Variants in ANXA8 observed in about 807,000 individuals in gnomAD.
The protein encoded by ANXA8 is VAC-beta.
In ANXA8, 9 loss-of-function variants were observed where a neutral mutation model predicts 26.8. The ratio of observed to expected loss-of-function variants is 0.34; its 90% confidence interval spans 0.20 to 0.59. The LOEUF is 0.59. Ranked by LOEUF, ANXA8 falls within the 20% of genes least tolerant of loss-of-function variation. The pLI is 0.84. For missense variants in ANXA8, 83 were observed against 238.5 expected (o/e 0.35, Z 4.29); for synonymous variants, 39 against 94.8 (o/e 0.41, Z 3.42).
the ANXA8 span, chr10:47,986,921 G>A: frequency 2.0e-6 from 1 of 494,992 alleles, no homozygotes; most frequent in Non-Finnish European, 4.0e-6. Flanking sequence ...GGCAAGGGCC[G>A]CTTTTAGGAG....
At chr10:47,974,623 T>C in the ANXA8 span, among the ~76,000 whole-genome samples, 1 of 145,152 alleles carries the variant, frequency 6.9e-6, no homozygotes. Flanking sequence ...TCAAAGATTT[T>C]TTTATTTCTG....
At chr10:47,492,468 C>T in the ANXA8 span, among the ~76,000 whole-genome samples, 1 of 145,470 alleles carries the variant, frequency 6.9e-6, no homozygotes, top group Non-Finnish European at 1.5e-5. Flanking sequence ...AAGCAGCTTC[C>T]CTGGCTCCTG....
the ANXA8 span, chr10:47,491,459 A>G: frequency 3.5e-6 from 2 of 574,264 alleles, no homozygotes; most frequent in Non-Finnish European, 5.9e-6. Context: ...CTCCGTGCTG[A>G]CTTGGTAGAG....
the ANXA8 span, among the ~76,000 whole-genome samples, chr10:47,694,980 C>T: frequency 4.8e-3 from 722 of 151,490 alleles, 11 homozygotes; most frequent in African/African-American, 0.017. Context: ...GAGGCCAGGG[C>T]GGGCTACCCA....
the ANXA8 span, chr10:47,564,988 C>T: frequency 4.7e-6 from 5 of 1,062,564 alleles, no homozygotes; most frequent in Non-Finnish European, 7.3e-6. Context: ...GCCAAGTCAT[C>T]GTCCACCGTC....
the ANXA8 span, among the ~76,000 whole-genome samples, chr10:47,559,875 T>C: frequency 1.3e-5 from 2 of 151,914 alleles, no homozygotes; most frequent in Non-Finnish European, 2.9e-5. Flanking sequence ...TTCCATTCAC[T>C]GAACCTTTAT....
the ANXA8 span, among the ~76,000 whole-genome samples, chr10:47,689,428 G>A: frequency 6.6e-6 from 1 of 151,800 alleles, no homozygotes; most frequent in Non-Finnish European, 1.5e-5. Context: ...CACCTGCCTC[G>A]GCCTCCCAAA....
the ANXA8 span, among the ~76,000 whole-genome samples, chr10:47,937,781 T>A: frequency 6.8e-6 from 1 of 146,190 alleles, no homozygotes; most frequent in Non-Finnish European, 1.5e-5. Context: ...GCCTACACTA[T>A]GGAATACTAT....
the ANXA8 span, among the ~76,000 whole-genome samples, chr10:47,756,756 C>T: frequency 6.6e-6 from 1 of 152,028 alleles, no homozygotes. Context: ...TGAACCAAGG[C>T]CTCCCCTTCT....
At chr10:47,621,417 T>A in the ANXA8 span, among the ~76,000 whole-genome samples, 1 of 110,956 alleles carries the variant, frequency 9.0e-6, no homozygotes, top group Non-Finnish European at 2.0e-5. Flanking sequence ...ATTATATCCC[T>A]TATATGGAAA....
At chr10:47,976,369 C>A in the ANXA8 span, among the ~76,000 whole-genome samples, 1 of 151,236 alleles carries the variant, frequency 6.6e-6, no homozygotes, top group Non-Finnish European at 1.5e-5. Flanking sequence ...TTTTAATTTG[C>A]CTTATTCGTA....
chr10:47,497,327 A>C, the ANXA8 span, among the ~76,000 whole-genome samples: 1 of 126,108 alleles, frequency 7.9e-6, no homozygotes, highest in African/African-American at 3.0e-5. Context: ...CACAAAAAAA[A>C]AAAAAAGGCC....
chr10:47,650,277 G>A, the ANXA8 span, among the ~76,000 whole-genome samples: 1 of 147,420 alleles, frequency 6.8e-6, no homozygotes, highest in Admixed American at 6.7e-5. Context: ...GAATTCCTGG[G>A]CTCAAGCAAC....
the ANXA8 span, among the ~76,000 whole-genome samples, chr10:47,939,071 G>A: frequency 6.9e-6 from 1 of 145,150 alleles, no homozygotes; most frequent in Non-Finnish European, 1.5e-5. Context: ...CTTTCTCTTT[G>A]CTTCTCAGCT....
the ANXA8 span, among the ~76,000 whole-genome samples, chr10:47,944,677 CTT>C: frequency 6.6e-6 from 1 of 150,640 alleles, no homozygotes; most frequent in Non-Finnish European, 1.5e-5. Context: ...CACATGCTCT[CTT>C]TTGCCTGCCA....
chr10:47,678,520 G>T, the ANXA8 span, among the ~76,000 whole-genome samples: 2 of 149,138 alleles, frequency 1.3e-5, no homozygotes, highest in Non-Finnish European at 3.0e-5. Flanking sequence ...AAAACTGGGG[G>T]AAAAACTGGA....
chr10:47,486,787 T>C (rs1840057316), upstream of ANXA8, among the ~76,000 whole-genome samples: 1 of 134,516 alleles, frequency 7.4e-6, no homozygotes, highest in Non-Finnish European at 1.6e-5. Context: ...CCATCTCTAC[T>C]AAAAATAAAA....
the ANXA8 span, chr10:47,551,779 A>C: frequency 2.3e-6 from 1 of 439,090 alleles, no homozygotes; most frequent in South Asian, 4.5e-5. Flanking sequence ...CAGCAGACTG[A>C]ACTGCAAAAG....
At chr10:47,915,041 C>G in the ANXA8 span, among the ~76,000 whole-genome samples, 1 of 152,210 alleles carries the variant, frequency 6.6e-6, no homozygotes, top group South Asian at 2.1e-4. Context: ...TGTGGCTTCC[C>G]TCTGCTATAG....
Sources: gnomAD v4.1 joint callset for allele counts (sites outside exome capture counted in the v4.1 genomes callset) on GRCh38, gnomAD v4.1.1 for gene constraint, MANE v1.5 for transcripts, NCBI Gene and HGNC (gene_info 2026-07-23, HGNC 2026-07-21) for gene names.